SLC3A2: variants seen among roughly 807,000 people sequenced by gnomAD.
SLC3A2 encodes the protein amino acid transporter heavy chain SLC3A2.
SLC3A2 carries 32 observed loss-of-function variants against 48.5 expected under a neutral mutation model. The ratio of observed to expected loss-of-function variants is 0.66; its 90% confidence interval spans 0.50 to 0.89. The LOEUF is 0.89. Ranked by LOEUF, SLC3A2 falls within the 40% of genes least tolerant of loss-of-function variation. SLC3A2 has a pLI of 0.00. For missense variants in SLC3A2, 587 were observed against 680.7 expected, an observed-to-expected ratio of 0.86 and a Z score of 1.53; for synonymous variants, 277 against 288.8, an observed-to-expected ratio of 0.96 and a Z score of 0.41.
chr11:62,867,310 CTCTTT>C (rs1176809702), intron 1 of SLC3A2, among the ~76,000 whole-genome samples: 3 of 121,422 alleles, frequency 2.5e-5, no homozygotes, highest in Admixed American at 9.3e-5. Flanking sequence ...TTTATTCTTT[CTCTTT>C]TCTTTTCTTT....
intron 1 of SLC3A2, among the ~76,000 whole-genome samples, chr11:62,869,940 G>A (rs1454765970): frequency 2.6e-5 from 4 of 151,018 alleles, no homozygotes; most frequent in Admixed American, 1.3e-4. Context: ...CTGCCACCAC[G>A]CCCAGCTAAT....
intron 1 of SLC3A2, among the ~76,000 whole-genome samples, chr11:62,866,470 A>G (rs1307860431): frequency 1.3e-5 from 2 of 151,472 alleles, no homozygotes; most frequent in East Asian, 1.9e-4. Context: ...ATCTTGGCTC[A>G]CTGTAAACTC....
intron 5 of SLC3A2, 123 bp downstream of exon 5, chr11:62,884,813 C>CTTTTTTTTTTTTTTTTTTTTTT (rs541507991): frequency 1.2e-4 from 7 of 56,012 alleles, no homozygotes; most frequent in Admixed American, 3.1e-4. Flanking sequence ...CTTTCTTTAG[C>CTTTTTTTTTTTTTTTTTTTTTT]TTTTTTTTTT....
At chr11:62,871,704 T>G (rs753672009) in intron 1 of SLC3A2, 1 of 573,922 alleles carries the variant, frequency 1.7e-6, no homozygotes, top group Non-Finnish European at 3.1e-6. Flanking sequence ...ATGCTTGCTA[T>G]CTGGTAGAAT....
In SLC3A2 at chr11:62,880,929, A is replaced by C; in HGVS notation, c.-95A>C. ...TAGCCGAAACTGCGCGGAGGCACAGAGGCCGGGGAGAGCGTTCTGGGTCCG... is the reference window on the plus strand; with the variant it reads ...TAGCCGAAACTGCGCGGAGGCACAGCGGCCGGGGAGAGCGTTCTGGGTCCG... On this transcript the variant is annotated 5_prime_UTR_variant, in exon 1 of 9. Coordinates refer to ENST00000338663, the MANE Select transcript of SLC3A2 (RefSeq NM_001013251.3). 6.8e-7 allele frequency: 1 copy of C among 1,469,756 alleles called. No homozygotes were observed. Among genetic ancestry groups the C allele is most frequent in the Non-Finnish European group, 9.0e-7 (1 of 1,110,928 alleles). The allele number at this position is 1,469,756 out of a possible 1,614,324, so 91.0% of individuals were successfully genotyped here. A position where few individuals can be genotyped will look rare whatever the true frequency, so the allele number is the denominator to read the frequency against.
intron 1 of SLC3A2, chr11:62,870,858 T>TA (rs757295460): frequency 0.015 from 2,067 of 133,554 alleles, 21 homozygotes; most frequent in East Asian, 0.07. Context: ...TAATAATAAT[T>TA]ATTATTATTA....
chr11:62,861,884 C>T (rs1404894628), intron 1 of SLC3A2, among the ~76,000 whole-genome samples: 1 of 146,636 alleles, frequency 6.8e-6, no homozygotes, highest in African/African-American at 2.5e-5. Context: ...GCACTCCAGC[C>T]TGGCCAACAA....
At chr11:62,868,624 C>G (rs949671719) in intron 1 of SLC3A2, among the ~76,000 whole-genome samples, 1 of 152,040 alleles carries the variant, frequency 6.6e-6, no homozygotes, top group African/African-American at 2.4e-5. Context: ...CTCGGCCTCC[C>G]AAAGTGCTGG....
intron 1 of SLC3A2, among the ~76,000 whole-genome samples, chr11:62,872,440 A>C (rs1306090784): frequency 6.6e-6 from 1 of 152,170 alleles, no homozygotes; most frequent in Non-Finnish European, 1.5e-5. Context: ...GCTTAAGCTG[A>C]GGAAGTCAAG....
In SLC3A2 at chr11:62,880,905, A is replaced by T; in HGVS notation, c.-119A>T. On this transcript the variant is annotated 5_prime_UTR_variant, in exon 1 of 9. It removes the in-frame stop codon of an upstream open reading frame in the 5' UTR. Transcript: ENST00000338663. ...GCGCCTGCTGCTGAGCAGATGCAGT[A>T]GCCGAAACTGCGCGGAGGCACAGAG... The T allele has an allele frequency of 6.9e-7, 1 of 1,448,618 alleles. No individual in the cohort carries two copies. The highest frequency in any genetic ancestry group is 9.1e-7 in the Non-Finnish European group (1 of 1,100,576). The allele number at this position is 1,448,618 out of a possible 1,614,324, so 89.7% of individuals were successfully genotyped here. A position where few individuals can be genotyped will look rare whatever the true frequency, so the allele number is the denominator to read the frequency against.
chr11:62,873,215 C>A (rs481235), intron 1 of SLC3A2, among the ~76,000 whole-genome samples: 8 of 151,552 alleles, frequency 5.3e-5, no homozygotes, highest in Non-Finnish European at 1.2e-4. Context: ...GTGGCCGGGC[C>A]TGGTGGCTCA....
chr11:62,884,543 A>T lies in SLC3A2; in HGVS notation c.759+18A>T, dbSNP rs374078866. 2.6e-4 allele frequency: 421 copies of T among 1,614,028 alleles called. No individual in the cohort carries two copies. The highest frequency in any genetic ancestry group is 7.0e-4 in the South Asian group (64 of 91,090). On this transcript the variant is annotated intron_variant, in intron 4 of 8. Transcript: ENST00000338663. ...ATCTGAAGGTGAGTTCCCTTTCCAC[A>T]TTAGGGACAAAGCTTGGGCGAGAAC... is the stretch of plus-strand genomic sequence containing the variant.
intron 1 of SLC3A2, among the ~76,000 whole-genome samples, chr11:62,863,844 C>T (rs2085425737): frequency 6.6e-6 from 1 of 152,202 alleles, no homozygotes; most frequent in Non-Finnish European, 1.5e-5. Flanking sequence ...ACAGCTTGGC[C>T]TTGCTCCAGA....
At chr11:62,875,686 C>A (rs549106384) in intron 1 of SLC3A2, among the ~76,000 whole-genome samples, 111 of 152,312 alleles carry the variant, frequency 7.3e-4, no homozygotes, top group African/African-American at 2.6e-3. Context: ...CCTGCCTCAG[C>A]CTCCTGAGTA....
Position 62,881,581 on chromosome 11 carries a change from C to G in SLC3A2, c.424+134C>G. On this transcript the variant is annotated intron_variant, in intron 1 of 8. Transcript: ENST00000338663. The surrounding 1 kb of genome is among the most constrained non-coding windows in gnomAD (Gnocchi z 4.0). ...GTACCGACGACTGTTCCCCCTTCCC[C>G]CACCCCCTCCCCGGCACATTGTCCT... 8.1e-7 allele frequency: 1 copy of G among 1,227,812 alleles called. No homozygotes were observed. The highest frequency in any genetic ancestry group is 1.1e-6 in the Non-Finnish European group (1 of 910,164). 76.1% of individuals were successfully genotyped at this position (1,227,812 alleles called of 1,614,324 possible).
At position 62,885,238 on chromosome 11, in the gene SLC3A2, A is replaced by G. The variant is rs1435343983; in HGVS notation, c.880A>G (p.Asn294Asp). The G allele has an allele frequency of 6.2e-7, 1 of 1,614,176 alleles. No individual in the cohort carries two copies. The highest frequency in any genetic ancestry group is 2.2e-5 in the East Asian group (1 of 44,884). Reference sequence around the variant, plus strand: ...GCAGATCCTGAGCCTACTCGAATCCAACAAAGACTTGCTGTTGACTAGCTC... The same window carrying G: ...GCAGATCCTGAGCCTACTCGAATCCGACAAAGACTTGCTGTTGACTAGCTC... ...LQQILSLLES[N>D]KDLLLTSSYL... The change falls in exon 6 of 9, where the codon AAC (asparagine) becomes GAC (aspartate). Residue 294 changes from asparagine to aspartate, a missense_variant. By Grantham distance (23) the Asn-to-Asp change is conservative. Around this residue, in one of 3 missense-constraint regions of SLC3A2, gnomAD observed 409 missense variants for 446.7 expected, o/e 0.92. Transcript: ENST00000338663.
At chr11:62,876,533 T>A (rs2085572433), upstream of SLC3A2, among the ~76,000 whole-genome samples, 1 of 152,140 alleles carries the variant, frequency 6.6e-6, no homozygotes, top group South Asian at 2.1e-4. Flanking sequence ...TCCATTTCTC[T>A]AGTCTTTTCT....
At chr11:62,869,036 C>T (rs190727343) in intron 1 of SLC3A2, among the ~76,000 whole-genome samples, 123 of 151,856 alleles carry the variant, frequency 8.1e-4, no homozygotes, top group Admixed American at 1.2e-3. Context: ...ATAGCTGGGA[C>T]GACAGGCTTG....
intron 1 of SLC3A2, among the ~76,000 whole-genome samples, chr11:62,872,598 T>G (rs1313449293): frequency 6.6e-6 from 1 of 152,206 alleles, no homozygotes; most frequent in Non-Finnish European, 1.5e-5. Flanking sequence ...GGTGTTGAAA[T>G]TAACCAATTT....
Sources: allele counts gnomAD v4.1 joint callset (sites outside exome capture counted in the v4.1 genomes callset), GRCh38; gene constraint gnomAD v4.1.1; regional missense constraint gnomAD v4.1.1; non-coding constraint Gnocchi (gnomAD v3.1); transcripts MANE v1.5; gene names NCBI Gene and HGNC (gene_info 2026-07-23, HGNC 2026-07-21).